PTPRB: variants seen among roughly 807,000 people sequenced by gnomAD.
PTPRB encodes the protein receptor-type tyrosine-protein phosphatase beta.
Under a neutral mutation model 238.1 loss-of-function variants are expected in PTPRB, and 97 were observed. The ratio of observed to expected loss-of-function variants is 0.41; its 90% confidence interval spans 0.35 to 0.48. The LOEUF (loss-of-function observed/expected upper bound fraction) is 0.48. Ranked by LOEUF, PTPRB falls within the 20% of genes least tolerant of loss-of-function variation. The pLI is 0.30. For synonymous variants in PTPRB, 970 were observed against 995.4 expected, an observed-to-expected ratio of 0.97 and a Z score of 0.48; for missense variants, 2,292 against 2,681.9, an observed-to-expected ratio of 0.85 and a Z score of 3.21.
intron 21 of PTPRB, among the ~76,000 whole-genome samples, chr12:70,548,113 G>A (rs1043159907): frequency 2.6e-5 from 4 of 152,092 alleles, no homozygotes; most frequent in Non-Finnish European, 4.4e-5. Context: ...GATCACATGA[G>A]GCCAAGAATT....
rs188121664 is a variant in PTPRB at position 70,631,749 on chromosome 12, C to T, written c.451+3922G>A. On this transcript the variant is annotated intron_variant, in intron 2 of 33. Transcript: ENST00000334414. ...AATTTACAAGAAAAAAACAAACAAC[C>T]CCATCAAAAAGTGGGCAAAGGATAT... is the stretch of plus-strand genomic sequence containing the variant. 9.9e-4 allele frequency among the ~76,000 whole-genome samples: 151 copies of T among 152,126 alleles called. 1 individual carries two copies. The Middle Eastern group carries it at 0.017, about 17-fold the overall frequency.
chr12:70,568,903 GT>G (rs1879668292), intron 14 of PTPRB, among the ~76,000 whole-genome samples: 1 of 152,090 alleles, frequency 6.6e-6, no homozygotes, highest in African/African-American at 2.4e-5. Context: ...GAGAACTATA[GT>G]ATGGCTAGAG....
At chr12:70,537,519 A>T (rs1874354523) in intron 28 of PTPRB, among the ~76,000 whole-genome samples, 2 of 152,136 alleles carry the variant, frequency 1.3e-5, no homozygotes. Context: ...TAAACAGCTC[A>T]GTTAGCACTT....
At chr12:70,617,498 C>T (rs1480915128) in intron 3 of PTPRB, among the ~76,000 whole-genome samples, 1 of 152,152 alleles carries the variant, frequency 6.6e-6, no homozygotes, top group Admixed American at 6.5e-5. Context: ...CCCCTCTCCC[C>T]CGCTACTTCT....
At chr12:70,540,403 TG>T in intron 23 of PTPRB, 2 of 205,306 alleles carry the variant, frequency 9.7e-6, no homozygotes, top group Non-Finnish European at 2.0e-5. Context: ...GCACGACACT[TG>T]GGGCCACATG....
rs570303761 is a variant in PTPRB at position 70,609,396 on chromosome 12, T to G, written c.709-57A>C. ...CCACAGTCTGGACTGCTCAGGGACA[T>G]GTCCACAGCAAGCTCCTCAAGCCAC... On this transcript the variant is annotated intron_variant, in intron 3 of 33. Transcript: ENST00000334414. The G allele has an allele frequency of 2.6e-6, 4 of 1,564,962 alleles. No individual in the cohort carries two copies. The Admixed American group carries it at 5.5e-5, about 21-fold the overall frequency.
In PTPRB at chr12:70,594,644, C is replaced by T. The variant is rs2136475171; in HGVS notation, c.1339G>A (p.Val447Met). ...ATTAGCATCAGCCGGTATCGTTCCA[C>T]ATTCCCAGAACCATGGGACCAGGAA... ...LISWSHGSGN[V>M]ERYRLMLMDK... The change falls in exon 6 of 34, where the codon GTG becomes ATG. Residue 447 changes from valine to methionine, a missense_variant. By Grantham distance (21) the Val-to-Met change is conservative. Around this residue, in one of 4 missense-constraint regions of PTPRB, gnomAD observed 1,205 missense variants for 1,287.8 expected, o/e 0.94. Transcript: ENST00000334414. 1 of 1,614,026 alleles carries T rather than the reference C, an allele frequency of 6.2e-7. No homozygotes were observed. The highest frequency in any genetic ancestry group is 2.2e-5 in the East Asian group (1 of 44,880).
intron 14 of PTPRB, 49 bp downstream of exon 14, chr12:70,569,626 G>T: frequency 6.2e-7 from 1 of 1,602,502 alleles, no homozygotes; most frequent in South Asian, 1.1e-5. Context: ...CCATTTTGGA[G>T]AACCATGAGG....
Position 70,540,576 on chromosome 12 carries a change from A to C in PTPRB, c.5594+282T>G, listed in dbSNP as rs577982737. On this transcript the variant is annotated intron_variant, in intron 23 of 33. Coordinates refer to ENST00000334414, the MANE Select transcript of PTPRB (RefSeq NM_001109754.4). ...AGGATATGAACCACACACACACACA[A>C]AATATTTTTTTCCTGTGCAAAAGGA... 478 of 339,350 alleles carry C rather than the reference A, an allele frequency of 1.4e-3. 2 individuals carry two copies. The highest frequency in any genetic ancestry group is 2.0e-3 in the Non-Finnish European group (366 of 185,818). The allele number at this position is 339,350 out of a possible 1,614,324, so 21.0% of individuals were successfully genotyped here. A position where few individuals can be genotyped will look rare whatever the true frequency, so the allele number is the denominator to read the frequency against.
intron 4 of PTPRB, among the ~76,000 whole-genome samples, chr12:70,607,238 T>A (rs1884021175): frequency 6.6e-6 from 1 of 152,208 alleles, no homozygotes; most frequent in Non-Finnish European, 1.5e-5. Flanking sequence ...TTCTTAAAGG[T>A]CTTAATCTTT....
chr12:70,611,610 C>A (rs1484736248), intron 3 of PTPRB, among the ~76,000 whole-genome samples: 1 of 152,140 alleles, frequency 6.6e-6, no homozygotes, highest in Non-Finnish European at 1.5e-5. Context: ...TGCTTCAATT[C>A]TTTTAGAAAA....
In PTPRB at chr12:70,516,783, C is replaced by T. The variant is rs1461858815; in HGVS notation, c.*4706G>A. ...TCTTATATAAGATCATGTGAATTGG[C>T]ATAGAGGTTATAAAAATAATCTTTG... On this transcript the variant is annotated 3_prime_UTR_variant, in exon 34 of 34. Coordinates refer to ENST00000334414, the MANE Select transcript of PTPRB (RefSeq NM_001109754.4). 1.3e-5 allele frequency: 2 copies of T among 152,182 alleles called. No homozygotes were observed. Among genetic ancestry groups the T allele is most frequent in the Non-Finnish European group, 2.9e-5 (2 of 68,034 alleles). The allele number at this position is 152,182 out of a possible 1,614,324, so 9.4% of individuals were successfully genotyped here.
intron 28 of PTPRB, among the ~76,000 whole-genome samples, chr12:70,537,297 A>T (rs1005911098): frequency 1.3e-5 from 2 of 151,504 alleles, no homozygotes; most frequent in African/African-American, 4.8e-5. Context: ...AAAAAAAAAA[A>T]AAAAAAAAAA....
intron 10 of PTPRB, among the ~76,000 whole-genome samples, chr12:70,580,525 T>C (rs1881262969): frequency 6.6e-6 from 1 of 152,126 alleles, no homozygotes; most frequent in African/African-American, 2.4e-5. Flanking sequence ...TCATTGGAGA[T>C]GTTAAAATAT....
At chr12:70,525,224 A>G (rs1487952834) in intron 32 of PTPRB, 1 of 152,166 alleles carries the variant, frequency 6.6e-6, no homozygotes, top group Non-Finnish European at 1.5e-5. Context: ...CTAGGGTTTG[A>G]TCTTGGAGAT....
At chr12:70,612,959 C>T (rs1210401902) in intron 3 of PTPRB, among the ~76,000 whole-genome samples, 1 of 152,144 alleles carries the variant, frequency 6.6e-6, no homozygotes, top group Non-Finnish European at 1.5e-5. Flanking sequence ...TGCACTCCAG[C>T]CTCGGCAACA....
intron 3 of PTPRB, among the ~76,000 whole-genome samples, chr12:70,621,508 A>C (rs1328107010): frequency 6.6e-6 from 1 of 152,220 alleles, no homozygotes; most frequent in African/African-American, 2.4e-5. Context: ...GTAAAGGCGA[A>C]GTAGAGACAA....
intron 22 of PTPRB, chr12:70,541,653 T>C (rs1045545105): frequency 1.4e-5 from 2 of 141,222 alleles, no homozygotes; most frequent in Non-Finnish European, 3.2e-5. Context: ...CAACCACTAA[T>C]CTACTTTCTG....
chr12:70,538,826 G>A (rs1243634164), intron 27 of PTPRB, 98 bp downstream of exon 27: 16 of 933,256 alleles, frequency 1.7e-5, no homozygotes, highest in East Asian at 1.0e-4. Context: ...TGTCCATATC[G>A]AGCTATATTA....
Sources: allele counts gnomAD v4.1 joint callset (sites outside exome capture counted in the v4.1 genomes callset), GRCh38; gene constraint gnomAD v4.1.1; regional missense constraint gnomAD v4.1.1; transcripts MANE v1.5; gene names NCBI Gene and HGNC (gene_info 2026-07-23, HGNC 2026-07-21).